ADAMTS3: variants seen among roughly 807,000 people sequenced by gnomAD.
ADAMTS3 encodes the protein A disintegrin and metalloproteinase with thrombospondin motifs 3.
A neutral mutation model predicts 129.0 loss-of-function variants in ADAMTS3; 73 were observed. The observed-to-expected ratio is 0.57, with a 90% CI of 0.47 to 0.69. The LOEUF is 0.69. Ranked by LOEUF, ADAMTS3 falls within the 30% of genes least tolerant of loss-of-function variation. The pLI is 0.00. For synonymous variants in ADAMTS3, 477 were observed against 510.8 expected (o/e 0.93, Z 0.89); for missense variants, 1,457 against 1,514.5 (o/e 0.96, Z 0.63).
intron 4 of ADAMTS3, among the ~76,000 whole-genome samples, chr4:72,405,930 T>G (rs1722038726): frequency 6.6e-6 from 1 of 152,150 alleles, no homozygotes; most frequent in Non-Finnish European, 1.5e-5. Context: ...GCCAAAGCCT[T>G]TTCTCCTACT....
At chr4:72,501,904 T>C (rs1050870369) in intron 3 of ADAMTS3, among the ~76,000 whole-genome samples, 2 of 152,048 alleles carry the variant, frequency 1.3e-5, no homozygotes, top group Non-Finnish European at 2.9e-5. Context: ...GTTTATATGG[T>C]GAATCACCTT....
intron 21 of ADAMTS3, 47 bp downstream of exon 21, chr4:72,288,704 A>T (rs757850656): frequency 2.5e-6 from 3 of 1,215,806 alleles, no homozygotes; most frequent in Non-Finnish European, 3.6e-6. Context: ...CTGCTTTTTG[A>T]GGTTTAAAAA....
At chr4:72,437,798 C>T (rs1179842748) in intron 3 of ADAMTS3, among the ~76,000 whole-genome samples, 1 of 151,690 alleles carries the variant, frequency 6.6e-6, no homozygotes, top group Non-Finnish European at 1.5e-5. Context: ...TTTCTGATCT[C>T]AAAACTGCTA....
intron 4 of ADAMTS3, among the ~76,000 whole-genome samples, chr4:72,377,091 A>G (rs1454778373): frequency 6.6e-6 from 1 of 152,192 alleles, no homozygotes. Flanking sequence ...GCATATAGCT[A>G]TGTCCAAGAC....
intron 3 of ADAMTS3, among the ~76,000 whole-genome samples, chr4:72,455,559 A>G (rs975273735): frequency 6.6e-6 from 1 of 150,386 alleles, no homozygotes; most frequent in Non-Finnish European, 1.5e-5. Context: ...CCATCATGGT[A>G]CGTGTATAGC....
chr4:72,530,717 TA>T (rs1721007822), intron 3 of ADAMTS3, among the ~76,000 whole-genome samples: 1 of 90,934 alleles, frequency 1.1e-5, no homozygotes, highest in African/African-American at 4.7e-5. Flanking sequence ...ATATTATATA[TA>T]ATATTATACA....
chr4:72,438,561 C>T (rs1255961997), intron 3 of ADAMTS3, among the ~76,000 whole-genome samples: 1 of 151,636 alleles, frequency 6.6e-6, no homozygotes, highest in Non-Finnish European at 1.5e-5. Context: ...GTTGGGTTCT[C>T]CTAGCTGCTT....
chr4:72,529,701 T>C (rs543968994), intron 3 of ADAMTS3, among the ~76,000 whole-genome samples: 13 of 119,006 alleles, frequency 1.1e-4, no homozygotes, highest in Non-Finnish European at 2.0e-4. Context: ...TAATATATAT[T>C]AATATTAAAT....
intron 2 of ADAMTS3, among the ~76,000 whole-genome samples, chr4:72,562,369 T>C (rs1721923445): frequency 6.6e-6 from 1 of 152,176 alleles, no homozygotes; most frequent in Admixed American, 6.5e-5. Context: ...CTTGTGGGGC[T>C]CTCTCCTAAA....
rs539181241 is a variant in ADAMTS3, at chr4:72,298,631, C to G, written c.2425-189G>C. Among the ~76,000 whole-genome samples the G allele has an allele frequency of 3.3e-5, 5 of 152,036 alleles. No individual in the cohort carries two copies. The South Asian group carries it at 6.2e-4, about 19-fold the overall frequency. On this transcript the variant is annotated intron_variant, in intron 17 of 21. Transcript: ENST00000286657. Reference sequence around the variant, plus strand: ...CCTGTTTAAGAAAAAGATGAAGTATCTATAAAACTTTTAACATAAAAGTGT... The same window carrying G: ...CCTGTTTAAGAAAAAGATGAAGTATGTATAAAACTTTTAACATAAAAGTGT...
At chr4:72,302,193 G>A (rs566883155) in intron 17 of ADAMTS3, among the ~76,000 whole-genome samples, 1 of 151,630 alleles carries the variant, frequency 6.6e-6, no homozygotes, top group South Asian at 2.1e-4. Context: ...AAAAAAAGAA[G>A]CAGGAAATGT....
At chr4:72,346,626 T>G (rs541229948) in intron 4 of ADAMTS3, among the ~76,000 whole-genome samples, 1 of 152,224 alleles carries the variant, frequency 6.6e-6, no homozygotes, top group Non-Finnish European at 1.5e-5. Context: ...ATAAAGTATT[T>G]TTTGTTAAAT....
intron 4 of ADAMTS3, among the ~76,000 whole-genome samples, chr4:72,390,894 A>T (rs921336624): frequency 3.1e-4 from 2 of 6,408 alleles, no homozygotes; most frequent in Non-Finnish European, 2.5e-3. Context: ...AGAAAAAATT[A>T]AAAAAAAAAA....
chr4:72,315,780 T>A (rs1359238102), intron 11 of ADAMTS3, 78 bp downstream of exon 11: 10 of 932,226 alleles, frequency 1.1e-5, no homozygotes, highest in Non-Finnish European at 1.6e-5. Flanking sequence ...GCAGCTGTGT[T>A]TACCATTTTC....
intron 3 of ADAMTS3, among the ~76,000 whole-genome samples, chr4:72,450,288 C>T (rs1022570646): frequency 1.3e-4 from 20 of 151,538 alleles, no homozygotes; most frequent in African/African-American, 4.1e-4. Flanking sequence ...ATGCACTGAA[C>T]GGTACAATTG....
intron 3 of ADAMTS3, among the ~76,000 whole-genome samples, chr4:72,516,460 A>G (rs1222912669): frequency 1.3e-5 from 2 of 152,176 alleles, no homozygotes; most frequent in African/African-American, 4.8e-5. Context: ...GATTCTTCCT[A>G]ACCATGAGCA....
chr4:72,442,753 C>A (rs900043485), intron 3 of ADAMTS3, among the ~76,000 whole-genome samples: 2 of 151,790 alleles, frequency 1.3e-5, no homozygotes, highest in Admixed American at 6.6e-5. Context: ...TGCCAAAGGG[C>A]GCATTACATG....
chr4:72,299,194 G>A (rs1312480683), intron 17 of ADAMTS3, among the ~76,000 whole-genome samples: 1 of 151,584 alleles, frequency 6.6e-6, no homozygotes, highest in Non-Finnish European at 1.5e-5. Flanking sequence ...AGTGTGGAAT[G>A]ATGGTCATTG....
In ADAMTS3 at chr4:72,427,570, AAG is replaced by A. The variant is rs1306364119; in HGVS notation, c.505-12601_505-12600del. 8.5e-5 allele frequency among the ~76,000 whole-genome samples: 13 copies of A among 152,102 alleles called. 1 individual carries two copies. The highest frequency in any genetic ancestry group is 1.8e-4 in the Non-Finnish European group (12 of 68,004). ...ACACCTTGGCCAAGAGGAATAGAGA[AAG>A]AGATGAGTAAAGAAAACCAATCTGC... On this transcript the variant is annotated intron_variant, in intron 3 of 21. Coordinates refer to ENST00000286657, the MANE Select transcript of ADAMTS3 (RefSeq NM_014243.3).
Sources: gnomAD v4.1 joint callset for allele counts (sites outside exome capture counted in the v4.1 genomes callset) on GRCh38, gnomAD v4.1.1 for gene constraint, MANE v1.5 for transcripts, NCBI Gene and HGNC (gene_info 2026-07-23, HGNC 2026-07-21) for gene names.